CATSPERE: variants seen among roughly 807,000 people sequenced by gnomAD.
CATSPERE encodes the protein cation channel sperm-associated auxiliary subunit epsilon.
In CATSPERE, 93 loss-of-function variants were observed where a neutral mutation model predicts 114.1. That is an observed-to-expected ratio of 0.81 (90% CI 0.69 to 0.97). The LOEUF is 0.97. CATSPERE is among the 50% of genes least tolerant of loss of function. CATSPERE has a pLI of 0.00. For synonymous variants in CATSPERE, 341 were observed against 384.1 expected, an observed-to-expected ratio of 0.89 and a Z score of 1.31; for missense variants, 1,058 against 1,131.6, an observed-to-expected ratio of 0.93 and a Z score of 0.93.
At chr1:244,509,290 A>T (rs1675328705) in intron 7 of CATSPERE, among the ~76,000 whole-genome samples, 2 of 151,510 alleles carry the variant, frequency 1.3e-5, no homozygotes, top group South Asian at 4.2e-4. Context: ...TCATGAAGAG[A>T]TGTTGAATCT....
intron 8 of CATSPERE, among the ~76,000 whole-genome samples, chr1:244,523,893 G>A (rs1376721352): frequency 2.7e-4 from 40 of 147,848 alleles, no homozygotes; most frequent in Non-Finnish European, 4.4e-5. Flanking sequence ...AATCAATATC[G>A]TGAAAATGGC....
chr1:244,456,936 T>G (rs893109981), upstream of CATSPERE, among the ~76,000 whole-genome samples: 9 of 152,180 alleles, frequency 5.9e-5, no homozygotes, highest in African/African-American at 1.9e-4. Flanking sequence ...AAGGAAGGTG[T>G]TTTTTGGTAA....
At chr1:244,551,474 A>G (rs146205389) in intron 8 of CATSPERE, among the ~76,000 whole-genome samples, 1 of 152,262 alleles carries the variant, frequency 6.6e-6, no homozygotes, top group East Asian at 1.9e-4. Context: ...AAACATACTC[A>G]TAGTAGAACT....
At chr1:244,574,749 A>C (rs1023358229) in intron 11 of CATSPERE, among the ~76,000 whole-genome samples, 11 of 152,244 alleles carry the variant, frequency 7.2e-5, no homozygotes, top group African/African-American at 2.2e-4. Context: ...CTGATGGGTC[A>C]GCTCTTGGAA....
intron 8 of CATSPERE, among the ~76,000 whole-genome samples, chr1:244,539,699 TG>T (rs1179220351): frequency 7.2e-6 from 1 of 138,420 alleles, no homozygotes; most frequent in African/African-American, 2.7e-5. Context: ...GGTTTAGTCT[TG>T]GGAGAGTGTA....
At chr1:244,534,197 T>C (rs1432476887) in intron 8 of CATSPERE, among the ~76,000 whole-genome samples, 1 of 152,208 alleles carries the variant, frequency 6.6e-6, no homozygotes, top group Non-Finnish European at 1.5e-5. Context: ...CCTTTCTTTA[T>C]CCTTCACCTT....
intron 2 of CATSPERE, among the ~76,000 whole-genome samples, chr1:244,471,210 G>A (rs1201872787): frequency 1.3e-5 from 2 of 152,116 alleles, no homozygotes; most frequent in Non-Finnish European, 2.9e-5. Flanking sequence ...ATACTAATTA[G>A]CACACCTAAA....
Position 244,477,917 on chromosome 1 carries a change from C to A in CATSPERE, c.200C>A (p.Thr67Lys). 2 of 1,607,056 alleles carry A rather than the reference C, an allele frequency of 1.2e-6. No homozygotes were observed. The highest frequency in any genetic ancestry group is 2.2e-5 in the South Asian group (2 of 90,606). The change falls in exon 4 of 22, where the codon ACA becomes AAA. Residue 67 changes from threonine (T) to lysine (K), a missense_variant. Coordinates refer to ENST00000366534, the MANE Select transcript of CATSPERE (RefSeq NM_001130957.2). ...TTTTTAAACACTAGCTCACCCACGACAGAATTGCGTTGTTCCTCACCTGGT... is the reference window on the plus strand; with the variant it reads ...TTTTTAAACACTAGCTCACCCACGAAAGAATTGCGTTGTTCCTCACCTGGT... Reference protein sequence around the residue: ...CFVLNKSSPTTELRCSSPGVH... With the variant: ...CFVLNKSSPTKELRCSSPGVH...
chr1:244,578,802 TTA>T (rs1306422911), intron 11 of CATSPERE, among the ~76,000 whole-genome samples: 1 of 92,650 alleles, frequency 1.1e-5, no homozygotes, highest in Admixed American at 1.6e-4. Context: ...TGTATACAGG[TTA>T]TATATATAGG....
At chr1:244,556,491 G>C (rs1334540485) in intron 9 of CATSPERE, among the ~76,000 whole-genome samples, 1 of 151,688 alleles carries the variant, frequency 6.6e-6, no homozygotes, top group African/African-American at 2.4e-5. Context: ...TTTTTTAAAA[G>C]ACCAAATTAT....
At chr1:244,591,586 T>A (rs759460196) in intron 14 of CATSPERE, 95 bp from the exon 15 acceptor site, 13 of 682,226 alleles carry the variant, frequency 1.9e-5, no homozygotes, top group Non-Finnish European at 3.3e-5. Context: ...TCTCTGACAC[T>A]CTCCTGTTTG....
intron 6 of CATSPERE, among the ~76,000 whole-genome samples, chr1:244,493,722 A>T (rs1572390585): frequency 6.6e-6 from 1 of 152,240 alleles, no homozygotes; most frequent in African/African-American, 2.4e-5. Flanking sequence ...ACTAATATCC[A>T]GAATCTACAA....
intron 8 of CATSPERE, among the ~76,000 whole-genome samples, chr1:244,536,594 A>G (rs1395480353): frequency 6.6e-6 from 1 of 152,222 alleles, no homozygotes; most frequent in Non-Finnish European, 1.5e-5. Flanking sequence ...TCCCCAAAGC[A>G]CACAGATTCG....
intron 19 of CATSPERE, among the ~76,000 whole-genome samples, chr1:244,611,885 T>A (rs1040892137): frequency 3.3e-5 from 5 of 152,184 alleles, no homozygotes; most frequent in Non-Finnish European, 5.9e-5. Flanking sequence ...GGTACAATGG[T>A]TCTCAAACTT....
chr1:244,639,902 C>T, intron 21 of CATSPERE, 26 bp from the exon 22 acceptor site: 2 of 1,255,892 alleles, frequency 1.6e-6, no homozygotes, highest in Non-Finnish European at 2.1e-6. Context: ...ACTTCTAATG[C>T]CTTTTTTTTT....
intron 7 of CATSPERE, among the ~76,000 whole-genome samples, chr1:244,511,214 C>A (rs1675702264): frequency 6.6e-6 from 1 of 152,078 alleles, no homozygotes; most frequent in South Asian, 2.1e-4. Flanking sequence ...TATCTAATGA[C>A]TTTCTTTGTC....
upstream of CATSPERE, among the ~76,000 whole-genome samples, chr1:244,457,308 A>G: frequency 6.6e-6 from 1 of 152,218 alleles, no homozygotes; most frequent in Non-Finnish European, 1.5e-5. Context: ...AGGGTTCTAT[A>G]AAGTTTATGA....
chr1:244,547,818 C>T (rs186140570), intron 8 of CATSPERE, among the ~76,000 whole-genome samples: 92 of 152,274 alleles, frequency 6.0e-4, no homozygotes, highest in African/African-American at 2.1e-3. Flanking sequence ...AGTAGAATTA[C>T]ATTGAATGTA....
intron 2 of CATSPERE, among the ~76,000 whole-genome samples, chr1:244,470,522 C>T (rs78052173): frequency 0.044 from 6,666 of 152,154 alleles, 179 homozygotes; most frequent in Middle Eastern, 0.068. Context: ...AACAAGTGTT[C>T]GTGGGGATGT....
Sources: gnomAD v4.1 joint callset for allele counts (sites outside exome capture counted in the v4.1 genomes callset) on GRCh38, gnomAD v4.1.1 for gene constraint, MANE v1.5 for transcripts, NCBI Gene and HGNC (gene_info 2026-07-23, HGNC 2026-07-21) for gene names.